The following PHETA1 variants were observed in gnomAD, a reference collection of about 807,000 sequenced individuals.
PHETA1 encodes the protein sesquipedalian-1.
For missense variants in PHETA1, 348 were observed against 373.5 expected (o/e 0.93, Z 0.56); for synonymous variants, 155 against 168.9 (o/e 0.92, Z 0.64).
chr12:111,364,714 A>C (rs1222652758), intron 2 of PHETA1, among the ~76,000 whole-genome samples: 2 of 151,896 alleles, frequency 1.3e-5, no homozygotes, highest in Non-Finnish European at 2.9e-5. Context: ...CAGTGAGCCA[A>C]GACTGCGCCA....
chr12:111,367,503 G>C lies in PHETA1; in HGVS notation c.-181-1246C>G, dbSNP rs1869104954. Among the ~76,000 whole-genome samples the C allele has an allele frequency of 6.6e-6, 1 of 152,230 alleles. No individual in the cohort carries two copies. Among genetic ancestry groups the C allele is most frequent in the African/African-American group, 2.4e-5 (1 of 41,450 alleles). ...AAATGGACACAGGGAGATTCAATAAGTTGGCTAGAGGCATACAACTGTGCC... is the reference window on the plus strand; with the variant it reads ...AAATGGACACAGGGAGATTCAATAACTTGGCTAGAGGCATACAACTGTGCC... On this transcript the variant is annotated intron_variant, in intron 1 of 2. Coordinates refer to ENST00000683047, the MANE Select transcript of PHETA1 (RefSeq NM_144671.6). This position sits in a 1 kb window ranked among gnomAD's most constrained non-coding sequence, Gnocchi z 4.0.
At chr12:111,365,711 A>G in intron 2 of PHETA1, 1 of 338,458 alleles carries the variant, frequency 3.0e-6, no homozygotes, top group Non-Finnish European at 5.9e-6. Context: ...GGAGTTGAAC[A>G]ATGAGACACA....
In PHETA1 at chr12:111,363,638, C is replaced by T; in HGVS notation, c.-36-175G>A. Reference sequence around the variant, plus strand: ...CAACTCCTAAGAAGCAGAGACAGGACTGGAACCTGGGTCTCACGGGCCTCC... The same window carrying T: ...CAACTCCTAAGAAGCAGAGACAGGATTGGAACCTGGGTCTCACGGGCCTCC... On this transcript the variant is annotated intron_variant, in intron 2 of 2. Transcript: ENST00000683047. This position sits in a 1 kb window ranked among gnomAD's most constrained non-coding sequence, Gnocchi z 7.4. The T allele has an allele frequency of 1.3e-6, 2 of 1,534,756 alleles. No individual in the cohort carries two copies. The highest frequency in any genetic ancestry group is 1.7e-6 in the Non-Finnish European group (2 of 1,146,590).
Position 111,363,784 on chromosome 12 carries a change from C to T in PHETA1, c.-36-321G>A, listed in dbSNP as rs1294882539. 7.3e-7 allele frequency: 1 copy of T among 1,363,856 alleles called. No homozygotes were observed. The highest frequency in any genetic ancestry group is 1.4e-5 in the African/African-American group (1 of 69,000). The allele number at this position is 1,363,856 out of a possible 1,614,324, so 84.5% of individuals were successfully genotyped here. On this transcript the variant is annotated intron_variant, in intron 2 of 2. Transcript: ENST00000683047. This position sits in a 1 kb window ranked among gnomAD's most constrained non-coding sequence, Gnocchi z 7.4. ...TTATCTCACAATAGACCTTAGGTCA[C>T]AGGGACTGGCCTGGCACCAGTGCAA...
At position 111,362,526 on chromosome 12, in the gene PHETA1, G is replaced by C; in HGVS notation, c.*152C>G. 1 of 1,511,250 alleles carries C rather than the reference G, an allele frequency of 6.6e-7. No individual in the cohort carries two copies. The highest frequency in any genetic ancestry group is 8.8e-7 in the Non-Finnish European group (1 of 1,134,334). The allele number at this position is 1,511,250 out of a possible 1,614,324, so 93.6% of individuals were successfully genotyped here. ...ACTCAGAATCCAGCACCTTCTCAGA[G>C]CCTGCATCCCCCAAAACCAGGCCAC... On this transcript the variant is annotated 3_prime_UTR_variant, in exon 3 of 3. Coordinates refer to ENST00000683047, the MANE Select transcript of PHETA1 (RefSeq NM_144671.6).
At position 111,362,978 on chromosome 12, in the gene PHETA1, CG is replaced by C; in HGVS notation, c.449del (p.Pro150ArgfsTer153). The C allele has an allele frequency of 8.2e-7, 1 of 1,223,470 alleles. No homozygotes were observed. Among genetic ancestry groups the C allele is most frequent in the Non-Finnish European group, 1.1e-6 (1 of 948,470 alleles). 75.8% of individuals were successfully genotyped at this position (1,223,470 alleles called of 1,614,324 possible). Reference protein sequence around the residue: ...QPQPQSLPLPPSLPSALAPVP... With the variant: ...QPQPQSLPLPXSLPSALAPVP... ...CTGGGGCCAGGGCAGAGGGCAGGGA[CG>C]GGGGCAAGGGCAGGGACTGGGGCTG... is the stretch of plus-strand genomic sequence containing the variant. On this transcript the variant is annotated frameshift_variant, in exon 3 of 3. Coordinates refer to ENST00000683047, the MANE Select transcript of PHETA1 (RefSeq NM_144671.6). LOFTEE classifies it low-confidence loss of function (END_TRUNC).
intron 2 of PHETA1, among the ~76,000 whole-genome samples, chr12:111,365,313 C>G (rs1302621034): frequency 6.6e-6 from 1 of 152,216 alleles, no homozygotes; most frequent in East Asian, 1.9e-4. Flanking sequence ...TGGGTGGTGT[C>G]TTTCTCAGAG....
At chr12:111,364,210 G>A (rs894531221) in intron 2 of PHETA1, among the ~76,000 whole-genome samples, 9 of 152,200 alleles carry the variant, frequency 5.9e-5, no homozygotes, top group African/African-American at 1.7e-4. Context: ...AGCCAGGCGT[G>A]GTGGCGGGCG....
In PHETA1 at chr12:111,368,439, CAT is replaced by C. The variant is rs572781401; in HGVS notation, c.-182+471_-182+472del. On this transcript the variant is annotated intron_variant, in intron 1 of 2. Transcript: ENST00000683047. The surrounding 1 kb of genome is among the most constrained non-coding windows in gnomAD (Gnocchi z 5.0). ...GGTGTGGCAGGCACAGGCTGAAAAA[CAT>C]GTGTGCCAAGAACACTAAAGAGCAG... is the stretch of plus-strand genomic sequence containing the variant. Among the ~76,000 whole-genome samples the C allele has an allele frequency of 7.9e-5, 12 of 152,172 alleles. No homozygotes were observed. The highest frequency in any genetic ancestry group is 2.1e-4 in the South Asian group (1 of 4,830).
At position 111,368,135 on chromosome 12, in the gene PHETA1, G is replaced by GT. The variant is rs1869141005; in HGVS notation, c.-182+776dup. On this transcript the variant is annotated intron_variant, in intron 1 of 2. Coordinates refer to ENST00000683047, the MANE Select transcript of PHETA1 (RefSeq NM_144671.6). The surrounding 1 kb of genome is among the most constrained non-coding windows in gnomAD (Gnocchi z 5.0). ...TCAGCCTCATCTGCAAAATGGTGAC[G>GT]TTAACTTCCATCCCTCTAAGGGCTG... Among the ~76,000 whole-genome samples the GT allele has an allele frequency of 6.6e-6, 1 of 152,196 alleles. No homozygotes were observed. Among genetic ancestry groups the GT allele is most frequent in the Admixed American group, 6.5e-5 (1 of 15,274 alleles).
At chr12:111,365,340 C>T (rs1433823258) in intron 2 of PHETA1, among the ~76,000 whole-genome samples, 1 of 152,188 alleles carries the variant, frequency 6.6e-6, no homozygotes, top group East Asian at 1.9e-4. Flanking sequence ...GGAATGAGGT[C>T]AGGGTGGTGG....
In PHETA1 at chr12:111,362,799, C is replaced by G; in HGVS notation, c.629G>C (p.Arg210Pro). The G allele has an allele frequency of 1.3e-6, 2 of 1,538,766 alleles. No individual in the cohort carries two copies. The highest frequency in any genetic ancestry group is 1.7e-6 in the Non-Finnish European group (2 of 1,145,094). The change falls in exon 3 of 3, where the codon CGC becomes CCC. Residue 210 changes from arginine (R) to proline (P), a missense_variant. Coordinates refer to ENST00000683047, the MANE Select transcript of PHETA1 (RefSeq NM_144671.6). ...GGGCCCGTGGGGTGCCGAGGCCCGG[C>G]GGCGAGGCGGTGGTGGAGGGGGCTC... ...GPEPPPPPPR[R>P]RASAPHGPLD...
intron 1 of PHETA1, among the ~76,000 whole-genome samples, chr12:111,366,492 T>C (rs1869040331): frequency 6.6e-6 from 1 of 152,006 alleles, no homozygotes; most frequent in Non-Finnish European, 1.5e-5. Flanking sequence ...GTCCAGTTGA[T>C]CCCCCTCTCC....
chr12:111,364,905 G>A (rs1660355083), intron 2 of PHETA1, among the ~76,000 whole-genome samples: 1 of 152,092 alleles, frequency 6.6e-6, no homozygotes, highest in Admixed American at 6.6e-5. Context: ...TCCAGCCTGG[G>A]GACAGAGCCA....
chr12:111,365,342 G>T (rs1327868515), intron 2 of PHETA1, among the ~76,000 whole-genome samples: 2 of 152,222 alleles, frequency 1.3e-5, no homozygotes, highest in African/African-American at 2.4e-5. Flanking sequence ...AATGAGGTCA[G>T]GGTGGTGGCT....
In PHETA1 at chr12:111,362,582, T is replaced by C; in HGVS notation, c.*96A>G. The C allele has an allele frequency of 6.5e-7, 1 of 1,540,340 alleles. No homozygotes were observed. On this transcript the variant is annotated 3_prime_UTR_variant, in exon 3 of 3. Coordinates refer to ENST00000683047, the MANE Select transcript of PHETA1 (RefSeq NM_144671.6). ...GCCTGGGGGCCAGCCTTGCCCATGA[T>C]TTCCCTCAGGATCTGCTCCCCCAGT... is the stretch of plus-strand genomic sequence containing the variant.
chr12:111,366,474 C>T (rs1435831646), intron 1 of PHETA1, among the ~76,000 whole-genome samples: 1 of 152,200 alleles, frequency 6.6e-6, no homozygotes, highest in East Asian at 1.9e-4. Context: ...CATCTGATCG[C>T]ACATCAAGTC....
Position 111,362,787 on chromosome 12 carries a change from G to T in PHETA1, c.641C>A (p.Ala214Glu), listed in dbSNP as rs1868717365. The change falls in exon 3 of 3, where the codon GCA becomes GAA. Residue 214 changes from alanine to glutamate, a missense_variant. Transcript: ENST00000683047. ...GGCCATGTCCAGGGGCCCGTGGGGT[G>T]CCGAGGCCCGGCGGCGAGGCGGTGG... ...PPPPPRRRAS[A>E]PHGPLDMAPF... 1 of 1,539,632 alleles carries T rather than the reference G, an allele frequency of 6.5e-7. No individual in the cohort carries two copies.
rs934121651 is a variant in PHETA1 at position 111,362,423 on chromosome 12, G to T, written c.*255C>A. 7.1e-6 allele frequency: 7 copies of T among 980,890 alleles called. No homozygotes were observed. The African/African-American group carries it at 8.2e-5, about 12-fold the overall frequency. The allele number at this position is 980,890 out of a possible 1,614,324, so 60.8% of individuals were successfully genotyped here. On this transcript the variant is annotated 3_prime_UTR_variant, in exon 3 of 3. Coordinates refer to ENST00000683047, the MANE Select transcript of PHETA1 (RefSeq NM_144671.6). ...AGTTCTCAGGAAACCTCCCCCTCAGGCCCTGGATTCTCCTTAGTGTTGCAC... is the reference window on the plus strand; with the variant it reads ...AGTTCTCAGGAAACCTCCCCCTCAGTCCCTGGATTCTCCTTAGTGTTGCAC...
Sources: gnomAD v4.1 joint callset for allele counts (sites outside exome capture counted in the v4.1 genomes callset) on GRCh38, gnomAD v4.1.1 for gene constraint, Gnocchi (gnomAD v3.1) non-coding constraint, MANE v1.5 for transcripts, NCBI Gene and HGNC (gene_info 2026-07-23, HGNC 2026-07-21) for gene names.